MGAT4A: variants seen among roughly 807,000 people sequenced by gnomAD.
MGAT4A encodes N-acetylglucosaminyltransferase IVa.
In MGAT4A, 33 loss-of-function variants were observed where a neutral mutation model predicts 74.1. The ratio of observed to expected loss-of-function variants is 0.45; its 90% confidence interval spans 0.34 to 0.60. The LOEUF is 0.60. Ranked by LOEUF, MGAT4A falls within the 20% of genes least tolerant of loss-of-function variation. MGAT4A has a pLI of 0.02. For missense variants in MGAT4A, 479 were observed against 628.3 expected (o/e 0.76, Z 2.54); for synonymous variants, 198 against 210.4 (o/e 0.94, Z 0.51).
At chr2:98,648,195 G>A (rs976107636) in intron 8 of MGAT4A, among the ~76,000 whole-genome samples, 1 of 152,168 alleles carries the variant, frequency 6.6e-6, no homozygotes, top group Non-Finnish European at 1.5e-5. Flanking sequence ...TTGGGCAAAT[G>A]TGATTATTTT....
At chr2:98,724,591 C>A (rs969782589) in intron 2 of MGAT4A, among the ~76,000 whole-genome samples, 1 of 152,002 alleles carries the variant, frequency 6.6e-6, no homozygotes, top group Non-Finnish European at 1.5e-5. Flanking sequence ...TCTAACACTG[C>A]GTGGAGAAAG....
chr2:98,655,346 A>T, intron 8 of MGAT4A, 99 bp downstream of exon 8: 1 of 810,460 alleles, frequency 1.2e-6, no homozygotes, highest in South Asian at 1.8e-5. Context: ...CAGATCTCAG[A>T]GGGTTTGCAC....
At chr2:98,678,640 T>G (rs1000317561) in intron 2 of MGAT4A, among the ~76,000 whole-genome samples, 169 bp from the exon 3 acceptor site, 1 of 152,190 alleles carries the variant, frequency 6.6e-6, no homozygotes, top group Non-Finnish European at 1.5e-5. Context: ...TAACAAAGTT[T>G]ATATGCTCTT....
intron 2 of MGAT4A, among the ~76,000 whole-genome samples, chr2:98,701,870 T>C (rs565900630): frequency 1.3e-5 from 2 of 152,322 alleles, no homozygotes; most frequent in Admixed American, 6.5e-5. Context: ...TGTATGTGTA[T>C]ATTTACAGCT....
rs1421107017 is a variant in MGAT4A at position 98,731,037 on chromosome 2, G to A, written c.-236+11C>T. 1 of 109,866 alleles carries A rather than the reference G, an allele frequency of 9.1e-6. No homozygotes were observed. Among genetic ancestry groups the A allele is most frequent in the African/African-American group, 3.4e-5 (1 of 29,672 alleles). 6.8% of individuals were successfully genotyped at this position (109,866 alleles called of 1,614,324 possible). A position where few individuals can be genotyped will look rare whatever the true frequency, so the allele number is the denominator to read the frequency against. On this transcript the variant is annotated intron_variant, in intron 1 of 15. Coordinates refer to ENST00000393487, the MANE Select transcript of MGAT4A (RefSeq NM_012214.3). This position sits in a 1 kb window ranked among gnomAD's most constrained non-coding sequence, Gnocchi z 4.8. Reference sequence around the variant, plus strand: ...CCCCGCGCGCCGCCGCTGCCGCCGCGAGCCCCTCACCCGCCGCTGGCGTCG... The same window carrying A: ...CCCCGCGCGCCGCCGCTGCCGCCGCAAGCCCCTCACCCGCCGCTGGCGTCG...
Position 98,722,595 on chromosome 2 carries a change from G to A in MGAT4A, c.94+3644C>T, listed in dbSNP as rs13383036. Among the ~76,000 whole-genome samples the A allele has an allele frequency of 5.4e-3, 828 of 152,240 alleles. 9 individuals carry two copies. Among genetic ancestry groups the A allele is most frequent in the African/African-American group, 0.019 (805 of 41,522 alleles). On this transcript the variant is annotated intron_variant, in intron 2 of 15. Transcript: ENST00000393487. Reference sequence around the variant, plus strand: ...AGGGTATAGGATTTCTTTTTGAGGTGATAAAAATGCTCTAAAATTGACTGT... The same window carrying A: ...AGGGTATAGGATTTCTTTTTGAGGTAATAAAAATGCTCTAAAATTGACTGT...
intron 8 of MGAT4A, among the ~76,000 whole-genome samples, chr2:98,654,026 A>T (rs886797137): frequency 2.0e-5 from 3 of 152,198 alleles, no homozygotes; most frequent in African/African-American, 7.2e-5. Flanking sequence ...AATCAGTGTA[A>T]CATATACTAC....
chr2:98,717,461 T>A (rs936926967), intron 2 of MGAT4A, among the ~76,000 whole-genome samples: 1 of 152,018 alleles, frequency 6.6e-6, no homozygotes, highest in Non-Finnish European at 1.5e-5. Context: ...CATGGGATCC[T>A]AGATTGGACT....
intron 10 of MGAT4A, among the ~76,000 whole-genome samples, chr2:98,642,151 G>A (rs1237646966): frequency 6.6e-6 from 1 of 152,214 alleles, no homozygotes; most frequent in African/African-American, 2.4e-5. Context: ...AAATACTCAA[G>A]TGGAAGGAGA....
intron 12 of MGAT4A, 98 bp downstream of exon 12, chr2:98,639,710 C>T: frequency 1.8e-6 from 2 of 1,103,092 alleles, no homozygotes; most frequent in Non-Finnish European, 1.3e-6. Flanking sequence ...CACTGTGTCC[C>T]CACATCTGTC....
chr2:98,623,131 G>A lies in MGAT4A; in HGVS notation c.*2435C>T, dbSNP rs2104204833. On this transcript the variant is annotated 3_prime_UTR_variant, in exon 16 of 16. Transcript: ENST00000393487. ...CGTGCCTGGCACACACCCTAGGCAC[G>A]GGTAGATTCATGGGGAGAGAAGCAC... 5.1e-6 allele frequency: 5 copies of A among 985,470 alleles called. No individual in the cohort carries two copies. Among genetic ancestry groups the A allele is most frequent in the East Asian group, 1.1e-4 (1 of 8,820 alleles). 61.0% of individuals were successfully genotyped at this position (985,470 alleles called of 1,614,324 possible).
chr2:98,681,159 T>A (rs1463159766), intron 2 of MGAT4A, among the ~76,000 whole-genome samples: 1 of 152,076 alleles, frequency 6.6e-6, no homozygotes, highest in Admixed American at 6.5e-5. Context: ...ATTTTTCTAT[T>A]TTTAGTAGAG....
rs34284037 is a variant in MGAT4A at position 98,620,268 on chromosome 2, T to C, written c.*5298A>G. 6.6e-6 allele frequency: 1 copy of C among 152,244 alleles called. No homozygotes were observed. Among genetic ancestry groups the C allele is most frequent in the East Asian group, 1.9e-4 (1 of 5,204 alleles). 9.4% of individuals were successfully genotyped at this position (152,244 alleles called of 1,614,324 possible). ...ATCGTAGCATATAAGATTCATAATTTAAAATGCACAACTACCAAAGTCAAA... is the reference window on the plus strand; with the variant it reads ...ATCGTAGCATATAAGATTCATAATTCAAAATGCACAACTACCAAAGTCAAA... On this transcript the variant is annotated 3_prime_UTR_variant, in exon 16 of 16. Transcript: ENST00000393487.
intron 4 of MGAT4A, among the ~76,000 whole-genome samples, chr2:98,674,795 T>C (rs552653891): frequency 1.3e-5 from 2 of 152,314 alleles, no homozygotes; most frequent in South Asian, 2.1e-4. Flanking sequence ...GTGTCAACAT[T>C]TGTCTGCCTG....
intron 8 of MGAT4A, among the ~76,000 whole-genome samples, chr2:98,650,882 A>G (rs1007341347): frequency 2.0e-5 from 3 of 152,092 alleles, no homozygotes; most frequent in Non-Finnish European, 4.4e-5. Context: ...CGGAAGGTGG[A>G]GCTTACAGTG....
At chr2:98,645,569 A>G in intron 8 of MGAT4A, 27 bp from the exon 9 acceptor site, 1 of 1,446,228 alleles carries the variant, frequency 6.9e-7, no homozygotes, top group Non-Finnish European at 9.3e-7. Context: ...AATCATATTA[A>G]TACATCAAAA....
rs1250663820 is a variant in MGAT4A, at chr2:98,660,416, GCGCACACACACACACACACA to G, written c.538-2172_538-2153del. 7.1e-5 allele frequency among the ~76,000 whole-genome samples: 6 copies of G among 84,950 alleles called. No homozygotes were observed. The East Asian group carries it at 1.7e-3, about 24-fold the overall frequency. 55.7% of individuals were successfully genotyped at this position (84,950 alleles called of 152,430 possible). A position where few individuals can be genotyped will look rare whatever the true frequency, so the allele number is the denominator to read the frequency against. On this transcript the variant is annotated intron_variant, in intron 5 of 15. Transcript: ENST00000393487. ...ACCACACACACACACACACACGCACGCGCACACACACACACACACACACACACACACACACACACACAACA... is the reference window on the plus strand; with the variant it reads ...ACCACACACACACACACACACGCACGCACACACACACACACACACACAACA...
chr2:98,727,684 C>A (rs1265065906), intron 1 of MGAT4A, among the ~76,000 whole-genome samples: 1 of 152,200 alleles, frequency 6.6e-6, no homozygotes, highest in South Asian at 2.1e-4. Flanking sequence ...GGGAAGAGCA[C>A]AACCGATTCA....
intron 2 of MGAT4A, among the ~76,000 whole-genome samples, chr2:98,707,600 G>GA (rs1373836713): frequency 1.3e-5 from 2 of 152,110 alleles, no homozygotes; most frequent in Non-Finnish European, 2.9e-5. Context: ...TGAGAGGGGA[G>GA]AAAAAAATCA....
Sources: gnomAD v4.1 joint callset for allele counts (sites outside exome capture counted in the v4.1 genomes callset) on GRCh38, gnomAD v4.1.1 for gene constraint, Gnocchi (gnomAD v3.1) non-coding constraint, MANE v1.5 for transcripts, NCBI Gene and HGNC (gene_info 2026-07-23, HGNC 2026-07-21) for gene names.